Variants in MOCOS observed in about 807,000 individuals in gnomAD.
MOCOS encodes the protein human molybdenum cofactor sulfurase.
MOCOS carries 86 observed loss-of-function variants against 83.6 expected under a neutral mutation model. The observed-to-expected ratio is 1.03, with a 90% CI of 0.86 to 1.23. MOCOS has a LOEUF of 1.23. MOCOS is among the 50% of genes most tolerant of loss of function. The pLI, the probability that MOCOS is intolerant of heterozygous loss-of-function variation, is 0.00. For missense variants in MOCOS, 1,120 were observed against 1,126.9 expected, an observed-to-expected ratio of 0.99 and a Z score of 0.09; for synonymous variants, 445 against 434.7, an observed-to-expected ratio of 1.02 and a Z score of -0.29.
In MOCOS at chr18:36,205,277, G is replaced by A. The variant is rs1362463869; in HGVS notation, c.1218+1G>A. On this transcript the variant is annotated splice_donor_variant, in intron 6 of 14. Coordinates refer to ENST00000261326, the MANE Select transcript of MOCOS (RefSeq NM_017947.4). LOFTEE classifies it high-confidence loss of function. ...AGGGAACATCATTGGTTACTCCCAG[G>A]TGGGTTTTCTTTCCATCCTGCTGAC... is the stretch of plus-strand genomic sequence containing the variant. 1.2e-6 allele frequency: 2 copies of A among 1,613,094 alleles called. No homozygotes were observed. Among genetic ancestry groups the A allele is most frequent in the Non-Finnish European group, 1.7e-6 (2 of 1,179,672 alleles).
At chr18:36,234,855 G>A (rs1271711867) in intron 9 of MOCOS, among the ~76,000 whole-genome samples, 2 of 152,178 alleles carry the variant, frequency 1.3e-5, no homozygotes, top group Non-Finnish European at 2.9e-5. Context: ...GGTGGCAAGA[G>A]AGAGAAGGGC....
chr18:36,217,384 T>G (rs957068153), intron 8 of MOCOS, among the ~76,000 whole-genome samples: 8 of 152,224 alleles, frequency 5.3e-5, no homozygotes, highest in Non-Finnish European at 8.8e-5. Context: ...AATTTTAATT[T>G]TTCTAAATTG....
chr18:36,254,630 C>T (rs1213022794), intron 11 of MOCOS, among the ~76,000 whole-genome samples: 8 of 150,744 alleles, frequency 5.3e-5, no homozygotes, highest in African/African-American at 1.5e-4. Context: ...TATATATGAA[C>T]GAACTGTCTT....
At chr18:36,203,428 T>G (rs1331184883) in intron 5 of MOCOS, among the ~76,000 whole-genome samples, 3 of 152,232 alleles carry the variant, frequency 2.0e-5, no homozygotes, top group African/African-American at 7.2e-5. Flanking sequence ...TAGAAGACAT[T>G]CCAAATCAGG....
intron 11 of MOCOS, among the ~76,000 whole-genome samples, chr18:36,255,869 G>A (rs971024581): frequency 5.5e-5 from 8 of 146,402 alleles, no homozygotes; most frequent in Admixed American, 2.1e-4. Flanking sequence ...CAATAGTTTC[G>A]TCCCCCTTTT....
intron 13 of MOCOS, among the ~76,000 whole-genome samples, chr18:36,266,214 C>T (rs1448674273): frequency 3.9e-5 from 6 of 152,152 alleles, no homozygotes. Context: ...TGGCTTACTG[C>T]CACCTCCGCC....
chr18:36,215,320 G>A (rs537820142), intron 7 of MOCOS, among the ~76,000 whole-genome samples, 196 bp from the exon 8 acceptor site: 4 of 152,280 alleles, frequency 2.6e-5, no homozygotes, highest in Non-Finnish European at 5.9e-5. Context: ...TTACAGTTGA[G>A]CAAAATGAGA....
intron 6 of MOCOS, among the ~76,000 whole-genome samples, chr18:36,210,854 A>AAAAAAAAAAAAAAAAAAAAC: frequency 2.5e-5 from 1 of 39,726 alleles, no homozygotes; most frequent in Non-Finnish European, 5.4e-5. Flanking sequence ...CTGTCTCAAA[A>AAAAAAAAAAAAAAAAAAAAC]AAAAAAAAAA....
At chr18:36,255,836 T>C (rs973563158) in intron 11 of MOCOS, among the ~76,000 whole-genome samples, 4 of 151,896 alleles carry the variant, frequency 2.6e-5, no homozygotes, top group African/African-American at 9.7e-5. Flanking sequence ...CCAGCTATTC[T>C]GAATACACTT....
At chr18:36,197,189 C>T (rs1313974754) in intron 2 of MOCOS, among the ~76,000 whole-genome samples, 1 of 152,122 alleles carries the variant, frequency 6.6e-6, no homozygotes, top group African/African-American at 2.4e-5. Context: ...ATTATTTCTG[C>T]AGGAAAGGCA....
chr18:36,215,555 G>A lies in MOCOS; in HGVS notation c.1375G>A (p.Gly459Arg). 6.2e-7 allele frequency: 1 copy of A among 1,614,176 alleles called. No individual in the cohort carries two copies. The highest frequency in any genetic ancestry group is 8.5e-7 in the Non-Finnish European group (1 of 1,180,034). The part of the protein sequence containing the change: ...VCGDNMDLID[G>R]QPTGSVRISF... ...TGGGGACAATATGGACCTCATAGAT[G>A]GGCAGCCCACAGGATCTGTGAGGAT... Residue 459 changes from glycine to arginine, a missense_variant, in exon 8 of 15, where the codon GGG (glycine) becomes AGG (arginine). Physicochemically the swap from Gly to Arg is moderately radical, Grantham distance 125 (BLOSUM62 -2). Transcript: ENST00000261326.
chr18:36,265,645 T>G (rs537164256), intron 13 of MOCOS, among the ~76,000 whole-genome samples: 1 of 152,290 alleles, frequency 6.6e-6, no homozygotes, highest in African/African-American at 2.4e-5. Flanking sequence ...ATGGGGGATT[T>G]TAAGCTCCAC....
At chr18:36,268,461 AAT>A in intron 14 of MOCOS, 70 bp from the exon 15 acceptor site, 1 of 1,593,358 alleles carries the variant, frequency 6.3e-7, no homozygotes, top group Non-Finnish European at 8.6e-7. Context: ...GTTAAACATT[AAT>A]ATTTACAAAG....
At chr18:36,204,397 T>C (rs2091426567) in intron 5 of MOCOS, among the ~76,000 whole-genome samples, 1 of 152,204 alleles carries the variant, frequency 6.6e-6, no homozygotes, top group Non-Finnish European at 1.5e-5. Flanking sequence ...GTATTCTTCA[T>C]TGCTTTGTGT....
chr18:36,217,900 A>C (rs961822087), intron 8 of MOCOS, among the ~76,000 whole-genome samples: 3 of 152,130 alleles, frequency 2.0e-5, no homozygotes, highest in African/African-American at 7.2e-5. Flanking sequence ...CCTTTCCTCA[A>C]TGTGGGCCTC....
rs1328478876 is a variant in MOCOS at position 36,215,954 on chromosome 18, A to G, written c.1774A>G (p.Ile592Val). The G allele has an allele frequency of 1.9e-6, 3 of 1,613,304 alleles. No homozygotes were observed. The highest frequency in any genetic ancestry group is 2.5e-6 in the Non-Finnish European group (3 of 1,179,898). ...HVVTNLYLYP[I>V]KSCAAFEVTR... Reference sequence around the variant, plus strand: ...TGTCACTAACCTTTATCTCTATCCAATCAAATCCTGTGCTGCATTTGAGGT... The same window carrying G: ...TGTCACTAACCTTTATCTCTATCCAGTCAAATCCTGTGCTGCATTTGAGGT... Residue 592 changes from isoleucine (I) to valine (V), a missense_variant, in exon 8 of 15, where the codon ATC (isoleucine) becomes GTC (valine). Transcript: ENST00000261326.
intron 1 of MOCOS, among the ~76,000 whole-genome samples, chr18:36,193,686 A>G (rs1469386121): frequency 6.6e-6 from 1 of 152,218 alleles, no homozygotes; most frequent in Non-Finnish European, 1.5e-5. Context: ...ATTAGACAAT[A>G]ATTTCTTATG....
chr18:36,237,692 G>A (rs1189289066), intron 9 of MOCOS, among the ~76,000 whole-genome samples: 1 of 152,210 alleles, frequency 6.6e-6, no homozygotes, highest in African/African-American at 2.4e-5. Flanking sequence ...GATTGGAATA[G>A]TTTCAGAAGT....
Position 36,215,935 on chromosome 18 carries a change from TA to T in MOCOS, c.1757del (p.Asn586ThrfsTer15). 6.2e-7 allele frequency: 1 copy of T among 1,613,806 alleles called. No homozygotes were observed. Among genetic ancestry groups the T allele is most frequent in the Non-Finnish European group, 8.5e-7 (1 of 1,179,830 alleles). On this transcript the variant is annotated frameshift_variant, in exon 8 of 15. Transcript: ENST00000261326. LOFTEE classifies it high-confidence loss of function. ...EGALGPHVVT[N>X]LYLYPIKSCA... Reference sequence around the variant, plus strand: ...GGGCCCTTGGGCCACATGTTGTCACTAACCTTTATCTCTATCCAATCAAATC... The same window carrying T: ...GGGCCCTTGGGCCACATGTTGTCACTACCTTTATCTCTATCCAATCAAATC...
Sources: allele counts gnomAD v4.1 joint callset (sites outside exome capture counted in the v4.1 genomes callset), GRCh38; gene constraint gnomAD v4.1.1; transcripts MANE v1.5; gene names NCBI Gene and HGNC (gene_info 2026-07-23, HGNC 2026-07-21).